The following ENTREP2 variants were observed in gnomAD, a reference collection of about 807,000 sequenced individuals.
The protein encoded by ENTREP2 is protein ENTREP2.
chr15:29,159,221 A>G, the ENTREP2 span, among the ~76,000 whole-genome samples: 1,389 of 151,658 alleles, frequency 9.2e-3, 20 homozygotes, highest in African/African-American at 0.031. Context: ...TAGGAGTGAA[A>G]CCACAGACCT....
the ENTREP2 span, among the ~76,000 whole-genome samples, chr15:29,454,107 C>G: frequency 6.6e-6 from 1 of 152,152 alleles, no homozygotes; most frequent in African/African-American, 2.4e-5. Flanking sequence ...CCAGCACTCA[C>G]CCATACTGAG....
At chr15:29,340,298 G>A in the ENTREP2 span, among the ~76,000 whole-genome samples, 4 of 152,180 alleles carry the variant, frequency 2.6e-5, no homozygotes, top group Admixed American at 1.3e-4. Context: ...TATCAGGAAC[G>A]ACATCTCAGT....
At chr15:29,219,096 TCAAA>T in the ENTREP2 span, among the ~76,000 whole-genome samples, 2 of 145,298 alleles carry the variant, frequency 1.4e-5, no homozygotes, top group African/African-American at 5.0e-5. Flanking sequence ...TACAATGAAC[TCAAA>T]CAAATCAGTA....
the ENTREP2 span, among the ~76,000 whole-genome samples, chr15:29,288,334 C>G: frequency 0.94 from 143,075 of 152,240 alleles, 67,324 homozygotes; most frequent in East Asian, 1. Flanking sequence ...CCACGTATGT[C>G]ACAGTGGTCT....
chr15:29,365,181 G>A, the ENTREP2 span, among the ~76,000 whole-genome samples: 3 of 151,838 alleles, frequency 2.0e-5, no homozygotes, highest in Non-Finnish European at 4.4e-5. Flanking sequence ...AGCCTTTTCA[G>A]ATTGACTTCT....
chr15:29,185,066 C>T, the ENTREP2 span, among the ~76,000 whole-genome samples: 6 of 145,286 alleles, frequency 4.1e-5, no homozygotes, highest in Non-Finnish European at 9.0e-5. Flanking sequence ...GGCAACAGAA[C>T]AAGACTCTGT....
the ENTREP2 span, among the ~76,000 whole-genome samples, chr15:29,666,202 C>G: frequency 6.6e-6 from 1 of 152,048 alleles, no homozygotes; most frequent in Non-Finnish European, 1.5e-5. Flanking sequence ...ACTTGAATGT[C>G]TAATCAGCGT....
chr15:29,480,558 G>A, the ENTREP2 span, among the ~76,000 whole-genome samples: 1 of 152,040 alleles, frequency 6.6e-6, no homozygotes, highest in Non-Finnish European at 1.5e-5. Context: ...AGAGCCGGAT[G>A]TGGTGGAAGG....
chr15:29,327,924 T>C, the ENTREP2 span, among the ~76,000 whole-genome samples: 2 of 152,242 alleles, frequency 1.3e-5, no homozygotes, highest in Non-Finnish European at 2.9e-5. Context: ...TCTTATTGTA[T>C]GATCCAGCAA....
At chr15:29,387,520 A>AT in the ENTREP2 span, among the ~76,000 whole-genome samples, 2 of 152,250 alleles carry the variant, frequency 1.3e-5, no homozygotes, top group African/African-American at 4.8e-5. Context: ...GGAAGAATCA[A>AT]TATCGTGAAA....
the ENTREP2 span, among the ~76,000 whole-genome samples, chr15:29,175,841 C>T: frequency 6.6e-6 from 1 of 152,200 alleles, no homozygotes. Flanking sequence ...CCCCTGACCT[C>T]GTGATCCACC....
chr15:29,190,627 G>T, the ENTREP2 span, among the ~76,000 whole-genome samples: 1 of 152,284 alleles, frequency 6.6e-6, no homozygotes, highest in Non-Finnish European at 1.5e-5. Flanking sequence ...CAGGAAGCAA[G>T]TAGTTGGACA....
At chr15:29,628,264 A>G in the ENTREP2 span, among the ~76,000 whole-genome samples, 1 of 152,198 alleles carries the variant, frequency 6.6e-6, no homozygotes, top group Non-Finnish European at 1.5e-5. Context: ...GGCCATTTGT[A>G]CAGCTCCTTT....
the ENTREP2 span, among the ~76,000 whole-genome samples, chr15:29,299,158 T>A: frequency 1.3e-5 from 2 of 150,312 alleles, no homozygotes; most frequent in Non-Finnish European, 2.9e-5. Flanking sequence ...TACAGAACTG[T>A]GTTCAACAAG....
the ENTREP2 span, among the ~76,000 whole-genome samples, chr15:29,636,200 C>T: frequency 6.6e-6 from 1 of 152,170 alleles, no homozygotes; most frequent in South Asian, 2.1e-4. Flanking sequence ...GCAATCTCGT[C>T]GCGTGTGGCC....
At chr15:29,479,710 T>C in the ENTREP2 span, among the ~76,000 whole-genome samples, 28 of 137,860 alleles carry the variant, frequency 2.0e-4, no homozygotes, top group African/African-American at 8.0e-4. Flanking sequence ...CACACACACA[T>C]GCTGGGACCT....
At chr15:29,144,610 G>T in the ENTREP2 span, among the ~76,000 whole-genome samples, 21 of 152,236 alleles carry the variant, frequency 1.4e-4, no homozygotes, top group African/African-American at 4.8e-4. Flanking sequence ...TGTGCCTGTA[G>T]TCTCAGCTAC....
At chr15:29,485,762 C>T in the ENTREP2 span, among the ~76,000 whole-genome samples, 3 of 152,110 alleles carry the variant, frequency 2.0e-5, no homozygotes, top group East Asian at 1.9e-4. Flanking sequence ...AAAGAATGCT[C>T]GACATCCATC....
At chr15:29,517,252 G>GAC in the ENTREP2 span, among the ~76,000 whole-genome samples, 2 of 152,174 alleles carry the variant, frequency 1.3e-5, no homozygotes, top group Admixed American at 1.3e-4. Flanking sequence ...TAGTGTGCCA[G>GAC]ACACTGCCCT....
Sources: allele counts gnomAD v4.1 joint callset (sites outside exome capture counted in the v4.1 genomes callset), GRCh38; gene constraint gnomAD v4.1.1; transcripts MANE v1.5; gene names NCBI Gene and HGNC (gene_info 2026-07-23, HGNC 2026-07-21).